CLASP1: variants seen among roughly 807,000 people sequenced by gnomAD.
The protein encoded by CLASP1 is cytoplasmic linker associated protein 1.
Under a neutral mutation model 192.3 loss-of-function variants are expected in CLASP1, and 38 were observed. The observed-to-expected ratio is 0.20, with a 90% CI of 0.15 to 0.26. CLASP1 has a LOEUF of 0.26. CLASP1 is among the 10% of genes least tolerant of loss of function. The pLI, the probability that CLASP1 is intolerant of heterozygous loss-of-function variation, is 1.00. For missense variants in CLASP1, 1,433 were observed against 1,932.5 expected (o/e 0.74, Z 4.85); for synonymous variants, 691 against 712.8 (o/e 0.97, Z 0.49).
At chr2:121,345,134 G>T (rs924055044) in intron 39 of CLASP1, among the ~76,000 whole-genome samples, 1 of 152,208 alleles carries the variant, frequency 6.6e-6, no homozygotes, top group South Asian at 2.1e-4. Context: ...GTGACAGAGC[G>T]AGGCTCCATA....
chr2:121,440,561 G>T (rs928442247), intron 19 of CLASP1, among the ~76,000 whole-genome samples: 5 of 152,158 alleles, frequency 3.3e-5, no homozygotes, highest in African/African-American at 1.2e-4. Flanking sequence ...GCATGGTGTT[G>T]CACACCTGTA....
intron 2 of CLASP1, among the ~76,000 whole-genome samples, chr2:121,603,965 T>C (rs1162460653): frequency 2.0e-5 from 3 of 152,132 alleles, no homozygotes; most frequent in African/African-American, 7.2e-5. Flanking sequence ...GAATACAAAA[T>C]TACAGCTAGA....
At chr2:121,647,119 G>A (rs1044835109) in intron 1 of CLASP1, among the ~76,000 whole-genome samples, 2 of 151,744 alleles carry the variant, frequency 1.3e-5, no homozygotes, top group Non-Finnish European at 2.9e-5. Context: ...TGTAATCCCA[G>A]CACTTCGGAA....
At chr2:121,420,976 G>T (rs2079398059) in intron 22 of CLASP1, among the ~76,000 whole-genome samples, 1 of 152,190 alleles carries the variant, frequency 6.6e-6, no homozygotes, top group South Asian at 2.1e-4. Flanking sequence ...TTCACCCAGA[G>T]AGAGTTCATT....
intron 2 of CLASP1, among the ~76,000 whole-genome samples, chr2:121,575,348 C>A (rs774738052): frequency 2.0e-5 from 3 of 152,118 alleles, no homozygotes; most frequent in Non-Finnish European, 4.4e-5. Flanking sequence ...CTCAGATAAT[C>A]TGCCTGCCTT....
At chr2:121,567,948 G>A (rs1473916596) in intron 2 of CLASP1, among the ~76,000 whole-genome samples, 1 of 152,102 alleles carries the variant, frequency 6.6e-6, no homozygotes, top group East Asian at 1.9e-4. Flanking sequence ...TTGGGAAGCT[G>A]GTAAAGTTTC....
chr2:121,439,343 T>C (rs1195976061), intron 19 of CLASP1, among the ~76,000 whole-genome samples: 1 of 152,166 alleles, frequency 6.6e-6, no homozygotes, highest in Non-Finnish European at 1.5e-5. Context: ...TCTGCTCTGA[T>C]TTTAGTTATT....
intron 19 of CLASP1, among the ~76,000 whole-genome samples, chr2:121,440,084 TAAAAAAAAAACTAAAAAAA>T (rs1286634681): frequency 7.5e-5 from 9 of 120,370 alleles, no homozygotes; most frequent in African/African-American, 2.6e-4. Context: ...AAAGTATAAT[TAAAAAAAAAACTAAAAAAA>T]AAAAAAAAAA....
chr2:121,588,504 A>G (rs1389161836), intron 2 of CLASP1, among the ~76,000 whole-genome samples: 3 of 152,224 alleles, frequency 2.0e-5, no homozygotes, highest in Non-Finnish European at 4.4e-5. Context: ...GAAAGCCCAA[A>G]TAATGAAGAT....
rs2094623256 is a variant in CLASP1 at position 121,528,037 on chromosome 2, G to A, written c.379-147C>T. On this transcript the variant is annotated intron_variant, in intron 4 of 39. Transcript: ENST00000263710. The stretch of plus-strand genomic sequence containing the variant: ...ATTTAATCCTCTCGAGAGCATACTG[G>A]AAAATGATGACATCTATCATGTTAT... 5.1e-6 allele frequency: 3 copies of A among 591,664 alleles called. No individual in the cohort carries two copies. The East Asian group carries it at 8.5e-5, about 17-fold the overall frequency. 36.7% of individuals were successfully genotyped at this position (591,664 alleles called of 1,614,324 possible).
rs1272673565 is a variant in CLASP1 at position 121,427,443 on chromosome 2, A to G, written c.2018-13T>C. 6.2e-7 allele frequency: 1 copy of G among 1,612,718 alleles called. No individual in the cohort carries two copies. The highest frequency in any genetic ancestry group is 8.5e-7 in the Non-Finnish European group (1 of 1,179,498). ...GCAGATCTGGATCCTTGATTATGAG[A>G]GCAGACCAAAGGACAGGCAAAAAGT... On this transcript the variant is annotated splice_polypyrimidine_tract_variant and intron_variant, in intron 20 of 39. Transcript: ENST00000263710.
At chr2:121,506,306 A>G (rs2093948942) in intron 7 of CLASP1, among the ~76,000 whole-genome samples, 3 of 152,024 alleles carry the variant, frequency 2.0e-5, no homozygotes. Context: ...CATTCCACCT[A>G]TCTGGCACAT....
intron 2 of CLASP1, among the ~76,000 whole-genome samples, chr2:121,565,913 T>C (rs2059457828): frequency 6.6e-6 from 1 of 152,182 alleles, no homozygotes. Context: ...ACAAGGGCCC[T>C]AGGATTTATC....
At chr2:121,600,984 G>A (rs1475391216) in intron 2 of CLASP1, among the ~76,000 whole-genome samples, 1 of 152,222 alleles carries the variant, frequency 6.6e-6, no homozygotes, top group Non-Finnish European at 1.5e-5. Flanking sequence ...CTGCTGGGGA[G>A]CTTCTGAGAA....
At chr2:121,445,391 C>T in intron 19 of CLASP1, 1 of 1,120,742 alleles carries the variant, frequency 8.9e-7, no homozygotes, top group South Asian at 1.3e-5. Flanking sequence ...GAGAAGCTTG[C>T]TCTAGCAATG....
At chr2:121,558,773 C>T (rs2058807840) in intron 2 of CLASP1, among the ~76,000 whole-genome samples, 1 of 152,220 alleles carries the variant, frequency 6.6e-6, no homozygotes, top group Non-Finnish European at 1.5e-5. Flanking sequence ...GACTAATACA[C>T]TCTTGCTGCC....
chr2:121,588,099 G>A (rs184923142), intron 2 of CLASP1, among the ~76,000 whole-genome samples: 2 of 148,718 alleles, frequency 1.3e-5, no homozygotes, highest in Non-Finnish European at 3.0e-5. Flanking sequence ...ACTTGAACCC[G>A]GGAGATGGAG....
chr2:121,459,935 G>T, intron 12 of CLASP1, 45 bp downstream of exon 12: 2 of 1,546,132 alleles, frequency 1.3e-6, no homozygotes, highest in Non-Finnish European at 1.8e-6. Flanking sequence ...AAGCTCTGTG[G>T]TGACACTATT....
intron 1 of CLASP1, among the ~76,000 whole-genome samples, chr2:121,636,212 T>G (rs971192322): frequency 2.6e-5 from 4 of 151,802 alleles, no homozygotes; most frequent in African/African-American, 9.7e-5. Context: ...TGCAGGCGCC[T>G]GTAATCCCAG....
Sources: gnomAD v4.1 joint callset for allele counts (sites outside exome capture counted in the v4.1 genomes callset) on GRCh38, gnomAD v4.1.1 for gene constraint, MANE v1.5 for transcripts, NCBI Gene and HGNC (gene_info 2026-07-23, HGNC 2026-07-21) for gene names.